Variants in TTC28 observed in about 807,000 individuals in gnomAD.
TTC28 encodes tetratricopeptide repeat protein 28.
A neutral mutation model predicts 198.0 loss-of-function variants in TTC28; 61 were observed. The observed-to-expected ratio is 0.31, with a 90% CI of 0.25 to 0.38. The LOEUF is 0.38. TTC28 is among the 10% of genes least tolerant of loss of function. The pLI is 1.00. For missense variants in TTC28, 2,678 were observed against 3,164.0 expected (o/e 0.85, Z 3.69); for synonymous variants, 1,171 against 1,297.8 (o/e 0.90, Z 2.10).
At chr22:28,297,448 T>TC in intron 4 of TTC28, 132 bp downstream of exon 4, 1 of 1,131,320 alleles carries the variant, frequency 8.8e-7, no homozygotes, top group Non-Finnish European at 1.2e-6. Context: ...TAAGCAATCC[T>TC]CCCAAAGCAC....
chr22:28,215,612 G>A (rs1285408817), intron 5 of TTC28, among the ~76,000 whole-genome samples: 2 of 152,044 alleles, frequency 1.3e-5, no homozygotes, highest in Non-Finnish European at 2.9e-5. Context: ...CACACATGGT[G>A]TGTGTGTGTA....
intron 6 of TTC28, among the ~76,000 whole-genome samples, chr22:28,122,835 T>C (rs960187547): frequency 3.9e-5 from 6 of 152,248 alleles, no homozygotes; most frequent in African/African-American, 1.2e-4. Flanking sequence ...CTCTCTTTTG[T>C]AGAATAAAAA....
intron 2 of TTC28, among the ~76,000 whole-genome samples, chr22:28,520,914 G>C (rs554115577): frequency 6.6e-6 from 1 of 151,796 alleles, no homozygotes. Flanking sequence ...TTAGCCAGGC[G>C]TAGTGGCACG....
chr22:28,242,372 T>C (rs1929720039), intron 5 of TTC28, among the ~76,000 whole-genome samples: 1 of 152,164 alleles, frequency 6.6e-6, no homozygotes. Flanking sequence ...CTTGTTTCTC[T>C]AAAAACTACA....
chr22:28,616,161 T>C (rs1011548510), intron 2 of TTC28, among the ~76,000 whole-genome samples: 1 of 152,202 alleles, frequency 6.6e-6, no homozygotes, highest in African/African-American at 2.4e-5. Context: ...TAGTATGGTA[T>C]AGTAATTAAC....
At chr22:28,271,114 A>AT (rs201979669) in intron 5 of TTC28, among the ~76,000 whole-genome samples, 2,978 of 142,598 alleles carry the variant, frequency 0.021, 36 homozygotes, top group African/African-American at 0.037. Flanking sequence ...TTTTTTCAGT[A>AT]TTTTTTTTTT....
intron 5 of TTC28, among the ~76,000 whole-genome samples, chr22:28,254,561 A>G (rs1486775701): frequency 6.6e-6 from 1 of 152,046 alleles, no homozygotes; most frequent in East Asian, 1.9e-4. Context: ...ATGAAAGTCA[A>G]TTAGAAGCCA....
intron 6 of TTC28, among the ~76,000 whole-genome samples, chr22:28,139,429 T>C (rs77404710): frequency 1.3e-5 from 2 of 152,246 alleles, no homozygotes; most frequent in South Asian, 2.1e-4. Flanking sequence ...GCCTTAATCA[T>C]TGTTCTTATT....
chr22:28,011,902 C>G (rs1336872806), intron 14 of TTC28, among the ~76,000 whole-genome samples: 1 of 152,134 alleles, frequency 6.6e-6, no homozygotes. Context: ...GCTCCCCTCC[C>G]GGTCCCCAAA....
At chr22:28,464,930 GA>G (rs1568960678) in intron 2 of TTC28, among the ~76,000 whole-genome samples, 1 of 152,162 alleles carries the variant, frequency 6.6e-6, no homozygotes, top group African/African-American at 2.4e-5. Flanking sequence ...ACTCACGAAA[GA>G]ACTTGAAATG....
rs116888627 is a variant in TTC28, at chr22:28,147,868, A to G, written c.1441+15224T>C. 3.9e-3 allele frequency among the ~76,000 whole-genome samples: 596 copies of G among 152,306 alleles called. 3 individuals are homozygous for G. Among genetic ancestry groups the G allele is most frequent in the Non-Finnish European group, 5.5e-3 (371 of 68,026 alleles). On this transcript the variant is annotated intron_variant, in intron 6 of 22. Transcript: ENST00000397906. ...AGGGATCACAAAGGCCTTTTCATAT[A>G]TTCTCAATGGAAGCTGTTATTTGAA...
chr22:28,411,005 A>C (rs2047072326), intron 2 of TTC28, among the ~76,000 whole-genome samples: 1 of 88,642 alleles, frequency 1.1e-5, no homozygotes, highest in Non-Finnish European at 2.2e-5. Flanking sequence ...CTAAAATGGT[A>C]ATTTGAAAAT....
At chr22:28,184,493 C>T (rs1290982296) in intron 5 of TTC28, among the ~76,000 whole-genome samples, 2 of 151,866 alleles carry the variant, frequency 1.3e-5, no homozygotes, top group African/African-American at 4.8e-5. Flanking sequence ...AGTCATTATG[C>T]CCAGATCTTA....
intron 5 of TTC28, among the ~76,000 whole-genome samples, chr22:28,240,741 G>A (rs534421398): frequency 3.3e-5 from 5 of 152,164 alleles, no homozygotes; most frequent in South Asian, 2.1e-4. Context: ...CCATAAGGCC[G>A]GAACATCTTG....
chr22:28,224,577 G>A (rs946704651), intron 5 of TTC28, among the ~76,000 whole-genome samples: 6 of 152,116 alleles, frequency 3.9e-5, no homozygotes, highest in Non-Finnish European at 8.8e-5. Flanking sequence ...ATCAATTCTG[G>A]GAGTTAGAAA....
At position 27,999,233 on chromosome 22, in the gene TTC28, A is replaced by G; in HGVS notation, c.4426T>C (p.Tyr1476His). ...KSHLRKNPPT[Y>H]SSSTSMAAVI... The stretch of plus-strand genomic sequence containing the variant: ...GCCGCCATGGATGTGGAGCTGGAGT[A>G]TGTGGGCGGGTTCTTCCGTAAGTGA... The change falls in exon 16 of 23, where the codon TAC (tyrosine) becomes CAC (histidine). Residue 1476 changes from tyrosine (Y) to histidine (H), a missense_variant. Physicochemically the swap from Tyr to His is moderately conservative, Grantham distance 83. Around this residue, in one of 8 missense-constraint regions of TTC28, gnomAD observed 727 missense variants for 861.9 expected, o/e 0.84. Coordinates refer to ENST00000397906, the MANE Select transcript of TTC28 (RefSeq NM_001145418.2). 6.4e-7 allele frequency: 1 copy of G among 1,550,702 alleles called. No individual in the cohort carries two copies.
chr22:28,278,199 A>AT (rs1317107419), intron 5 of TTC28, among the ~76,000 whole-genome samples: 5 of 152,148 alleles, frequency 3.3e-5, no homozygotes, highest in African/African-American at 1.2e-4. Flanking sequence ...CTACTGAATT[A>AT]TATCAAACTA....
intron 5 of TTC28, among the ~76,000 whole-genome samples, chr22:28,217,247 T>C (rs1249658900): frequency 1.3e-5 from 2 of 151,988 alleles, no homozygotes; most frequent in Non-Finnish European, 2.9e-5. Flanking sequence ...CCTATCAATA[T>C]ATATACCTAC....
At chr22:28,041,173 A>G (rs143975541) in intron 12 of TTC28, among the ~76,000 whole-genome samples, 612 of 152,330 alleles carry the variant, frequency 4.0e-3, no homozygotes, top group African/African-American at 0.013. Context: ...TAGTTTATAG[A>G]TTCAATGCTA....
Sources: allele counts gnomAD v4.1 joint callset (sites outside exome capture counted in the v4.1 genomes callset), GRCh38; gene constraint gnomAD v4.1.1; regional missense constraint gnomAD v4.1.1; transcripts MANE v1.5; gene names NCBI Gene and HGNC (gene_info 2026-07-23, HGNC 2026-07-21).